The following STAG1 variants were observed in gnomAD, a reference collection of about 807,000 sequenced individuals.
The protein encoded by STAG1 is STAG1 cohesin complex component.
Under a neutral mutation model 170.9 loss-of-function variants are expected in STAG1, and 26 were observed. The observed-to-expected ratio is 0.15, with a 90% CI of 0.11 to 0.21. The LOEUF is 0.21. Ranked by LOEUF, STAG1 falls within the 10% of genes least tolerant of loss-of-function variation. The pLI is 1.00. For synonymous variants in STAG1, 514 were observed against 497.7 expected (o/e 1.03, Z -0.44); for missense variants, 964 against 1,509.5 (o/e 0.64, Z 5.99).
chr3:136,436,936 G>A (rs2088478963), intron 15 of STAG1, among the ~76,000 whole-genome samples: 3 of 152,160 alleles, frequency 2.0e-5, no homozygotes, highest in African/African-American at 4.8e-5. Context: ...ACATCAGCTT[G>A]TCCATCTGTA....
intron 4 of STAG1, among the ~76,000 whole-genome samples, chr3:136,599,095 G>T (rs535148242): frequency 2.6e-5 from 4 of 152,146 alleles, no homozygotes; most frequent in African/African-American, 7.2e-5. Context: ...TATACCCAAA[G>T]GAATGTAAAT....
intron 1 of STAG1, among the ~76,000 whole-genome samples, chr3:136,667,317 G>A (rs1485346796): frequency 6.6e-6 from 1 of 152,068 alleles, no homozygotes; most frequent in Non-Finnish European, 1.5e-5. Flanking sequence ...GGTGGCAGAG[G>A]CAGGAGGATG....
In STAG1 at chr3:136,472,630, A is replaced by T. The variant is rs2089654679; in HGVS notation, c.1126-138T>A. 5 of 560,548 alleles carry T rather than the reference A, an allele frequency of 8.9e-6. No individual in the cohort carries two copies. The Admixed American group carries it at 1.6e-4, about 18-fold the overall frequency. The allele number at this position is 560,548 out of a possible 1,614,324, so 34.7% of individuals were successfully genotyped here. ...AAAGCTTTACTCTTGAAACTGCAGT[A>T]TTGTAGTCCTACTCACACAAAGGGG... On this transcript the variant is annotated intron_variant, in intron 11 of 33. Transcript: ENST00000383202.
rs551829943 is a variant in STAG1 at position 136,636,756 on chromosome 3, A to G, written c.-83-5775T>C. Among the ~76,000 whole-genome samples, 40 of 152,348 alleles carry G rather than the reference A, an allele frequency of 2.6e-4. 1 individual carries two copies. The highest frequency in any genetic ancestry group is 7.2e-4 in the Admixed American group (11 of 15,298). ...CACTAAAATAAATGTTAAGCTTTAC[A>G]TATATTTAAGAAAGATTAATTTTTA... On this transcript the variant is annotated intron_variant, in intron 1 of 33. Coordinates refer to ENST00000383202, the MANE Select transcript of STAG1 (RefSeq NM_005862.3).
intron 1 of STAG1, among the ~76,000 whole-genome samples, chr3:136,682,261 C>T (rs538780353): frequency 8.6e-5 from 13 of 151,634 alleles, no homozygotes; most frequent in Non-Finnish European, 1.8e-4. Flanking sequence ...CCTGTCTCTA[C>T]TAAAAATACA....
At chr3:136,526,998 C>G (rs575724947) in intron 6 of STAG1, among the ~76,000 whole-genome samples, 7 of 152,110 alleles carry the variant, frequency 4.6e-5, no homozygotes, top group Admixed American at 4.6e-4. Flanking sequence ...GTGGGTAACC[C>G]GACCTTTCAC....
chr3:136,426,235 G>C (rs1007306803), intron 16 of STAG1, among the ~76,000 whole-genome samples: 3 of 151,786 alleles, frequency 2.0e-5, no homozygotes, highest in Non-Finnish European at 4.4e-5. Context: ...GTGAAACCCC[G>C]TCTCTACTAA....
intron 9 of STAG1, among the ~76,000 whole-genome samples, chr3:136,498,852 T>G (rs1457370533): frequency 1.3e-5 from 2 of 152,234 alleles, no homozygotes; most frequent in African/African-American, 2.4e-5. Context: ...GCCCTGGACC[T>G]ATTTCAAAAG....
At chr3:136,456,699 A>G (rs1350013470) in intron 13 of STAG1, among the ~76,000 whole-genome samples, 1 of 152,214 alleles carries the variant, frequency 6.6e-6, no homozygotes, top group Non-Finnish European at 1.5e-5. Flanking sequence ...GAATTTCCCA[A>G]GGCATATCAT....
intron 28 of STAG1, among the ~76,000 whole-genome samples, chr3:136,350,534 G>C (rs1936397330): frequency 6.6e-6 from 1 of 152,176 alleles, no homozygotes; most frequent in Admixed American, 6.6e-5. Context: ...CCTGTCGAGA[G>C]ATTCCAAACC....
intron 28 of STAG1, among the ~76,000 whole-genome samples, chr3:136,355,356 A>AG (rs1294726265): frequency 1.4e-5 from 2 of 147,494 alleles, no homozygotes; most frequent in African/African-American, 4.9e-5. Flanking sequence ...CATCTTAAAA[A>AG]AAAAAAAAAA....
chr3:136,506,954 T>C (rs1427836791), intron 7 of STAG1, among the ~76,000 whole-genome samples: 1 of 152,230 alleles, frequency 6.6e-6, no homozygotes, highest in Non-Finnish European at 1.5e-5. Context: ...TTACAGTGTG[T>C]ATATGCTATC....
chr3:136,582,281 G>A (rs965165904), intron 4 of STAG1, among the ~76,000 whole-genome samples: 1 of 152,078 alleles, frequency 6.6e-6, no homozygotes, highest in African/African-American at 2.4e-5. Flanking sequence ...TGCAATGAGA[G>A]AAGTTCAGGT....
chr3:136,705,838 T>G (rs971890871), intron 1 of STAG1, among the ~76,000 whole-genome samples: 2 of 152,072 alleles, frequency 1.3e-5, no homozygotes, highest in Admixed American at 6.6e-5. Context: ...CAACATATTA[T>G]CAGGCTAAAA....
intron 3 of STAG1, among the ~76,000 whole-genome samples, chr3:136,622,316 C>T (rs968205252): frequency 1.3e-5 from 2 of 151,498 alleles, no homozygotes; most frequent in African/African-American, 2.4e-5. Context: ...GAGACTCGAT[C>T]GGTGGGGGGG....
intron 23 of STAG1, among the ~76,000 whole-genome samples, chr3:136,371,442 C>T (rs1405627972): frequency 6.6e-6 from 1 of 152,168 alleles, no homozygotes; most frequent in Non-Finnish European, 1.5e-5. Flanking sequence ...TGCCTATGTC[C>T]TGAATGGTAA....
chr3:136,455,173 G>C (rs1274343166), intron 13 of STAG1, among the ~76,000 whole-genome samples: 2 of 152,064 alleles, frequency 1.3e-5, no homozygotes, highest in Admixed American at 1.3e-4. Context: ...TTTTGGTGTT[G>C]TGATATCAGC....
intron 21 of STAG1, 69 bp downstream of exon 21, chr3:136,417,816 T>C (rs749585912): frequency 2.6e-6 from 3 of 1,169,330 alleles, no homozygotes; most frequent in East Asian, 2.4e-5. Flanking sequence ...AAAAGGCTTC[T>C]GATAATCATA....
At chr3:136,549,176 G>A (rs1936281181) in intron 5 of STAG1, among the ~76,000 whole-genome samples, 1 of 152,120 alleles carries the variant, frequency 6.6e-6, no homozygotes, top group Admixed American at 6.5e-5. Context: ...AAATTGGAAT[G>A]TTTTCCTAAT....
Sources: allele counts gnomAD v4.1 joint callset (sites outside exome capture counted in the v4.1 genomes callset), GRCh38; gene constraint gnomAD v4.1.1; transcripts MANE v1.5; gene names NCBI Gene and HGNC (gene_info 2026-07-23, HGNC 2026-07-21).